PLXNC1: variants seen among roughly 807,000 people sequenced by gnomAD.
PLXNC1 encodes plexin C1, also known as plexin-C1.
A neutral mutation model predicts 178.2 loss-of-function variants in PLXNC1; 75 were observed. The observed-to-expected ratio is 0.42, with a 90% CI of 0.35 to 0.51. The LOEUF (loss-of-function observed/expected upper bound fraction) is 0.51. Ranked by LOEUF, PLXNC1 falls within the 20% of genes least tolerant of loss-of-function variation. The pLI is 0.02. For synonymous variants in PLXNC1, 790 were observed against 779.9 expected (o/e 1.01, Z -0.22); for missense variants, 1,503 against 1,984.4 (o/e 0.76, Z 4.61).
chr12:94,251,524 T>C lies in PLXNC1; in HGVS notation c.2877T>C (p.Ile959=), dbSNP rs542738660. Residue 959 remains isoleucine (I), a synonymous_variant, in exon 15 of 31, where the codon ATT becomes ATC. Transcript: ENST00000258526. ...IVLPVLLVIV[I]FAAVGVTRHK... ...TCCCTGTCTTGCTAGTGATTGTCAT[T>C]TTTGGTAAGTGCCCTGTTTAATTTT... The C allele has an allele frequency of 2.3e-4, 365 of 1,585,580 alleles. 4 individuals carry two copies. The South Asian group carries it at 3.8e-3, about 17-fold the overall frequency.
At chr12:94,163,041 C>G (rs542451485) in intron 1 of PLXNC1, among the ~76,000 whole-genome samples, 2 of 152,244 alleles carry the variant, frequency 1.3e-5, no homozygotes, top group East Asian at 3.9e-4. Flanking sequence ...TCCTCCTGGA[C>G]AAGCACTGGT....
chr12:94,180,152 C>T (rs929011628), intron 2 of PLXNC1, among the ~76,000 whole-genome samples: 7 of 152,160 alleles, frequency 4.6e-5, no homozygotes, highest in African/African-American at 1.7e-4. Flanking sequence ...CAGTAAAAGG[C>T]AGGCTGTTTA....
chr12:94,278,330 C>T (rs1041841992), intron 21 of PLXNC1, among the ~76,000 whole-genome samples: 1 of 152,208 alleles, frequency 6.6e-6, no homozygotes, highest in African/African-American at 2.4e-5. Context: ...CTTGGCTCTT[C>T]CCTGAATCAA....
intron 2 of PLXNC1, among the ~76,000 whole-genome samples, chr12:94,177,552 A>AG (rs1962149306): frequency 2.0e-5 from 3 of 151,850 alleles, no homozygotes; most frequent in African/African-American, 7.3e-5. Context: ...AGAGAGAAAG[A>AG]AAAAGAAAGA....
intron 21 of PLXNC1, among the ~76,000 whole-genome samples, chr12:94,275,811 C>T (rs1239975241): frequency 4.3e-5 from 6 of 138,574 alleles, no homozygotes; most frequent in East Asian, 2.1e-4. Context: ...GCCGAGATCC[C>T]GCCACTGCAC....
chr12:94,149,849 T>C lies in PLXNC1; in HGVS notation c.878T>C (p.Leu293Pro). The C allele has an allele frequency of 6.3e-7, 1 of 1,588,008 alleles. No individual in the cohort carries two copies. The highest frequency in any genetic ancestry group is 8.6e-7 in the Non-Finnish European group (1 of 1,167,932). Reference protein sequence around the residue: ...CGHGHPDGRRLLLSSSLVEAL... With the variant: ...CGHGHPDGRRPLLSSSLVEAL... ...CACGGCCACCCCGACGGCCGCCGCC[T>C]GCTCCTCTCCTCCAGCCTAGTGGAG... Residue 293 changes from leucine (L) to proline (P), a missense_variant, in exon 1 of 31, where the codon CTG (leucine) becomes CCG (proline). Physicochemically the swap from Leu to Pro is moderately conservative, Grantham distance 98. Transcript: ENST00000258526.
At chr12:94,164,915 C>A (rs1240132343) in intron 1 of PLXNC1, among the ~76,000 whole-genome samples, 1 of 152,178 alleles carries the variant, frequency 6.6e-6, no homozygotes, top group Non-Finnish European at 1.5e-5. Context: ...AGAGTGACAA[C>A]TCTGAGGGAA....
At chr12:94,277,777 G>A (rs1271630619) in intron 21 of PLXNC1, 1 of 363,332 alleles carries the variant, frequency 2.8e-6, no homozygotes, top group African/African-American at 2.1e-5. Context: ...AGGTTTTATT[G>A]CCGATACTAT....
chr12:94,247,244 TA>T (rs1282182131), intron 12 of PLXNC1, among the ~76,000 whole-genome samples: 2 of 152,248 alleles, frequency 1.3e-5, no homozygotes, highest in Non-Finnish European at 2.9e-5. Flanking sequence ...TTTAATCCTG[TA>T]AATCAGGCCA....
intron 9 of PLXNC1, among the ~76,000 whole-genome samples, chr12:94,230,112 C>T (rs1964057373): frequency 6.6e-6 from 1 of 152,198 alleles, no homozygotes; most frequent in Non-Finnish European, 1.5e-5. Context: ...TCCCATTCTC[C>T]ATCTCTGATG....
chr12:94,180,269 A>C (rs1592738162), intron 2 of PLXNC1, among the ~76,000 whole-genome samples: 1 of 152,074 alleles, frequency 6.6e-6, no homozygotes, highest in Admixed American at 6.6e-5. Flanking sequence ...CTCCCATTTT[A>C]GTTTCTTTGC....
intron 21 of PLXNC1, chr12:94,277,022 A>G (rs1439485301): frequency 6.6e-6 from 1 of 151,904 alleles, no homozygotes; most frequent in Non-Finnish European, 1.5e-5. Context: ...CAACAGGATT[A>G]TAAGGGCAAG....
At chr12:94,290,134 A>G (rs557723966) in intron 23 of PLXNC1, among the ~76,000 whole-genome samples, 17 of 152,322 alleles carry the variant, frequency 1.1e-4, no homozygotes, top group Admixed American at 8.5e-4. Flanking sequence ...TCAACACTCA[A>G]TGGGAGACAT....
intron 4 of PLXNC1, among the ~76,000 whole-genome samples, chr12:94,205,143 G>T (rs1281514008): frequency 6.6e-6 from 1 of 152,084 alleles, no homozygotes; most frequent in Non-Finnish European, 1.5e-5. Flanking sequence ...AGGTCCCCCA[G>T]CCCGGCCCAT....
intron 1 of PLXNC1, among the ~76,000 whole-genome samples, chr12:94,150,292 T>C (rs1396349840): frequency 1.3e-5 from 2 of 152,140 alleles, no homozygotes; most frequent in Non-Finnish European, 2.9e-5. Context: ...CTCAAAACTC[T>C]AGTGGCTGCA....
chr12:94,252,667 T>C (rs1480526663), intron 15 of PLXNC1, among the ~76,000 whole-genome samples: 3 of 152,228 alleles, frequency 2.0e-5, no homozygotes, highest in Admixed American at 6.5e-5. Flanking sequence ...ATTTGGATCA[T>C]TGGATCCCAA....
intron 12 of PLXNC1, 125 bp from the exon 13 acceptor site, chr12:94,247,778 C>G: frequency 1.3e-6 from 1 of 798,136 alleles, no homozygotes. Context: ...GTTTTGCTGT[C>G]TCCATATTAC....
intron 11 of PLXNC1, among the ~76,000 whole-genome samples, chr12:94,242,302 A>ATTTTTTTTT (rs59056862): frequency 2.1e-5 from 2 of 97,376 alleles, no homozygotes; most frequent in Non-Finnish European, 1.9e-5. Flanking sequence ...AATCTCCCCA[A>ATTTTTTTTT]TTTTTTTTTT....
intron 5 of PLXNC1, among the ~76,000 whole-genome samples, chr12:94,211,209 G>A (rs1412368609): frequency 1.3e-5 from 2 of 151,976 alleles, no homozygotes; most frequent in Non-Finnish European, 2.9e-5. Context: ...TTTCTTCCTC[G>A]CCCTAAGTCC....
Sources: gnomAD v4.1 joint callset for allele counts (sites outside exome capture counted in the v4.1 genomes callset) on GRCh38, gnomAD v4.1.1 for gene constraint, MANE v1.5 for transcripts, NCBI Gene and HGNC (gene_info 2026-07-23, HGNC 2026-07-21) for gene names.